CCDC198: variants seen among roughly 807,000 people sequenced by gnomAD.
CCDC198 encodes the protein factor associated with metabolism and energy.
Under a neutral mutation model 35.6 loss-of-function variants are expected in CCDC198, and 18 were observed. That is an observed-to-expected ratio of 0.51 (90% CI 0.35 to 0.75). The LOEUF (loss-of-function observed/expected upper bound fraction) is 0.75. CCDC198 is among the 30% of genes least tolerant of loss of function. CCDC198 has a pLI of 0.01. For synonymous variants in CCDC198, 119 were observed against 113.4 expected (o/e 1.05, Z -0.31); for missense variants, 365 against 343.7 (o/e 1.06, Z -0.49).
intron 3 of CCDC198, 99 bp downstream of exon 3, chr14:57,482,966 A>G: frequency 2.0e-6 from 3 of 1,525,866 alleles, no homozygotes; most frequent in Non-Finnish European, 2.7e-6. Flanking sequence ...GAACTCCTCC[A>G]TGCAGAGAGT....
intron 2 of CCDC198, among the ~76,000 whole-genome samples, chr14:57,489,044 A>G (rs2067468450): frequency 6.6e-6 from 1 of 152,170 alleles, no homozygotes; most frequent in African/African-American, 2.4e-5. Context: ...AAGGAATATA[A>G]ATCATTCTAT....
intron 5 of CCDC198, chr14:57,475,629 C>T (rs1566573375): frequency 5.0e-6 from 2 of 401,290 alleles, no homozygotes; most frequent in South Asian, 3.6e-5. Flanking sequence ...ATCATTTGAA[C>T]TTGGGAGGCG....
Position 57,480,742 on chromosome 14 carries a change from A to G in CCDC198, c.508T>C (p.Leu170=), listed in dbSNP as rs748580950. 29 of 1,613,610 alleles carry G rather than the reference A, an allele frequency of 1.8e-5. No homozygotes were observed. The highest frequency in any genetic ancestry group is 5.0e-5 in the Admixed American group (3 of 59,930). ...IRKRQEAQME[L]KKSLHGEARI... The stretch of plus-strand genomic sequence containing the variant: ...GCCTCTCCATGAAGACTTTTCTTTA[A>G]CTCCATTTGGGCCTGAAAATCATCA... The change falls in exon 5 of 6, where the codon TTA becomes CTA. Residue 170 remains leucine (L), a synonymous_variant. Coordinates refer to ENST00000216445, the MANE Select transcript of CCDC198 (RefSeq NM_018168.4).
At chr14:57,479,025 C>T in intron 5 of CCDC198, 2 of 1,289,096 alleles carry the variant, frequency 1.6e-6, no homozygotes, top group Non-Finnish European at 2.0e-6. Context: ...GTGGGTTTGC[C>T]CTGGGGAAAT....
At chr14:57,481,532 T>C (rs914848128) in intron 4 of CCDC198, 27 bp downstream of exon 4, 3 of 1,525,240 alleles carry the variant, frequency 2.0e-6, no homozygotes, top group Non-Finnish European at 2.7e-6. Flanking sequence ...GAAAATTTGG[T>C]AAATATGACA....
At position 57,479,847 on chromosome 14, in the gene CCDC198, C is replaced by A. The variant is rs949993; in HGVS notation, c.655+748G>T. 4.2e-3 allele frequency among the ~76,000 whole-genome samples: 646 copies of A among 152,272 alleles called. 1 individual carries two copies. The highest frequency in any genetic ancestry group is 7.1e-3 in the Non-Finnish European group (481 of 68,016). On this transcript the variant is annotated intron_variant, in intron 5 of 5. Transcript: ENST00000216445. ...GCTGATGCTGGTGGTCTGGTGACCA[C>A]ATGGAGAACCACTGAAGTGAATCAT...
chr14:57,473,968 C>T (rs1388846995), intron 5 of CCDC198, among the ~76,000 whole-genome samples: 5 of 152,194 alleles, frequency 3.3e-5, no homozygotes, highest in Admixed American at 2.0e-4. Context: ...TTCCAGCACC[C>T]ATGGTCCTCA....
In CCDC198 at chr14:57,480,617, A is replaced by G. The variant is rs1463095757; in HGVS notation, c.633T>C (p.Asp211=). The G allele has an allele frequency of 6.2e-7, 1 of 1,614,000 alleles. No homozygotes were observed. The highest frequency in any genetic ancestry group is 1.7e-5 in the Admixed American group (1 of 60,010). The change falls in exon 5 of 6, where the codon GAT becomes GAC. Residue 211 remains aspartate, a synonymous_variant. Coordinates refer to ENST00000216445, the MANE Select transcript of CCDC198 (RefSeq NM_018168.4). The part of the protein sequence containing the change: ...DDHDLLTMLP[D]EILNRGPGNS... ...CACCGGGACCTCTGTTCAAGATTTC[A>G]TCAGGCAACATGGTTAGAAGGTCAT...
intron 2 of CCDC198, among the ~76,000 whole-genome samples, chr14:57,484,275 C>A (rs766662854): frequency 2.6e-5 from 4 of 152,146 alleles, no homozygotes; most frequent in African/African-American, 9.7e-5. Flanking sequence ...AATATGATAA[C>A]GTCCTCATTA....
intron 5 of CCDC198, among the ~76,000 whole-genome samples, chr14:57,477,499 C>T (rs1435428447): frequency 6.6e-6 from 1 of 152,074 alleles, no homozygotes. Flanking sequence ...CACACACACA[C>T]ACACACGTAC....
At chr14:57,484,023 A>G (rs1468224626) in intron 2 of CCDC198, among the ~76,000 whole-genome samples, 1 of 151,594 alleles carries the variant, frequency 6.6e-6, no homozygotes, top group African/African-American at 2.4e-5. Flanking sequence ...ATTACACTGC[A>G]GGGCAGAAAA....
In CCDC198 at chr14:57,483,088, C is replaced by G. The variant is rs2067241544; in HGVS notation, c.370G>C (p.Ala124Pro). 1 of 1,613,990 alleles carries G rather than the reference C, an allele frequency of 6.2e-7. No individual in the cohort carries two copies. ...ACCTTTGCTTTGTGCATTGTCCTGG[C>G]TTCTCGCTGGCTCAGGAGTCTTCCT... is the stretch of plus-strand genomic sequence containing the variant. ...TSGRLLSQRE[A>P]RTMHKAKQVL... is the part of the protein sequence containing the mutation. Residue 124 changes from alanine (A) to proline (P), a missense_variant, in exon 3 of 6, where the codon GCC (alanine) becomes CCC (proline). Ala to Pro is a conservative substitution (Grantham distance 27, BLOSUM62 -1). Transcript: ENST00000216445.
intron 5 of CCDC198, chr14:57,475,659 A>T (rs2066962571): frequency 2.4e-6 from 1 of 413,274 alleles, no homozygotes; most frequent in Non-Finnish European, 4.7e-6. Context: ...GTGAGCCGAG[A>T]TCATGCCATT....
chr14:57,489,748 G>C (rs2067497417), intron 2 of CCDC198, among the ~76,000 whole-genome samples: 2 of 152,024 alleles, frequency 1.3e-5, no homozygotes, highest in Admixed American at 1.3e-4. Context: ...GTACTTGTGA[G>C]CTATAAAGTA....
Position 57,470,261 on chromosome 14 carries a change from C to T in CCDC198, c.*1094G>A, listed in dbSNP as rs1023886647. 7 of 152,206 alleles carry T rather than the reference C, an allele frequency of 4.6e-5. No homozygotes were observed. The highest frequency in any genetic ancestry group is 2.6e-4 in the Admixed American group (4 of 15,282). 9.4% of individuals were successfully genotyped at this position (152,206 alleles called of 1,614,324 possible). A position where few individuals can be genotyped will look rare whatever the true frequency, so the allele number is the denominator to read the frequency against. On this transcript the variant is annotated 3_prime_UTR_variant, in exon 6 of 6. Coordinates refer to ENST00000216445, the MANE Select transcript of CCDC198 (RefSeq NM_018168.4). ...TAAGTGAGCTTAGTGTTTAATGCAG[C>T]ATTACTGTGAATTTCCTTTAGAAAC...
Position 57,491,698 on chromosome 14 carries a change from C to T in CCDC198, c.224-627G>A, listed in dbSNP as rs150949407. 4.4e-3 allele frequency among the ~76,000 whole-genome samples: 671 copies of T among 152,088 alleles called. 6 individuals carry two copies. Among genetic ancestry groups the T allele is most frequent in the African/African-American group, 0.015 (636 of 41,538 alleles). The stretch of plus-strand genomic sequence containing the variant: ...AGGAAACAGAGAGGCTCAACAGATC[C>T]ATTATGGATTTTATTTTCCAGCTTG... On this transcript the variant is annotated intron_variant, in intron 1 of 5. Coordinates refer to ENST00000216445, the MANE Select transcript of CCDC198 (RefSeq NM_018168.4).
In CCDC198 at chr14:57,470,067, A is replaced by T. The variant is rs934947554; in HGVS notation, c.*1288T>A. ...TTTTTCCAAGTGGAATAACTTTAGA[A>T]TTGAACATTTATAAGATTCGCTTTA... On this transcript the variant is annotated 3_prime_UTR_variant, in exon 6 of 6. Transcript: ENST00000216445. 2 of 152,330 alleles carry T rather than the reference A, an allele frequency of 1.3e-5. No homozygotes were observed. Among genetic ancestry groups the T allele is most frequent in the Admixed American group, 1.3e-4 (2 of 15,302 alleles). The allele number at this position is 152,330 out of a possible 1,614,324, so 9.4% of individuals were successfully genotyped here.
chr14:57,473,219 A>T (rs983651567), intron 5 of CCDC198, among the ~76,000 whole-genome samples: 7 of 152,218 alleles, frequency 4.6e-5, no homozygotes, highest in Admixed American at 1.3e-4. Context: ...GAATACTATT[A>T]TAATGATTGT....
At chr14:57,479,392 T>G (rs569748086) in intron 5 of CCDC198, among the ~76,000 whole-genome samples, 17 of 152,274 alleles carry the variant, frequency 1.1e-4, no homozygotes, top group African/African-American at 4.1e-4. Context: ...CTTAGCTCCA[T>G]GTTAAGGAGT....
Sources: gnomAD v4.1 joint callset for allele counts (sites outside exome capture counted in the v4.1 genomes callset) on GRCh38, gnomAD v4.1.1 for gene constraint, MANE v1.5 for transcripts, NCBI Gene and HGNC (gene_info 2026-07-23, HGNC 2026-07-21) for gene names.